The following MAP6 variants were observed in gnomAD, a reference collection of about 807,000 sequenced individuals.
MAP6 encodes the protein microtubule associated protein 6.
In MAP6, 26 loss-of-function variants were observed where a neutral mutation model predicts 42.4. The observed-to-expected ratio is 0.61, with a 90% CI of 0.45 to 0.85. The LOEUF is 0.85. Among genes scored for constraint, MAP6 ranks in the 40% least tolerant of loss-of-function variants. MAP6 has a pLI of 0.00. For missense variants in MAP6, 966 were observed against 1,099.0 expected, an observed-to-expected ratio of 0.88 and a Z score of 1.71; for synonymous variants, 418 against 443.8, an observed-to-expected ratio of 0.94 and a Z score of 0.73.
At chr11:75,614,945 G>T (rs1156862296) in intron 1 of MAP6, among the ~76,000 whole-genome samples, 2 of 152,204 alleles carry the variant, frequency 1.3e-5, no homozygotes, top group African/African-American at 4.8e-5. Flanking sequence ...ATACTCTGTT[G>T]TAAGAAACAG....
intron 3 of MAP6, among the ~76,000 whole-genome samples, chr11:75,601,235 A>C (rs1156336169): frequency 6.6e-6 from 1 of 152,022 alleles, no homozygotes; most frequent in Non-Finnish European, 1.5e-5. Flanking sequence ...AGGTGTCTTC[A>C]TATGTGTGCT....
At chr11:75,636,896 G>A (rs903931622) in intron 1 of MAP6, among the ~76,000 whole-genome samples, 8 of 152,192 alleles carry the variant, frequency 5.3e-5, no homozygotes, top group Admixed American at 3.9e-4. Flanking sequence ...GGCCCTGCAT[G>A]GCACAATATT....
intron 1 of MAP6, among the ~76,000 whole-genome samples, chr11:75,641,887 G>A (rs1027591967): frequency 2.5e-4 from 38 of 152,122 alleles, no homozygotes; most frequent in African/African-American, 9.2e-4. Context: ...GCTTCCTCTG[G>A]TCTGCAAGTC....
At position 75,608,308 on chromosome 11, in the gene MAP6, G is replaced by A; in HGVS notation, c.920C>T (p.Ala307Val). ...VSSSYRNEFR[A>V]WTDIKPVKPI... ...TTTCACAGGCTTGATGTCCGTCCATGCCCTGAATTCATTCCTGTTAGTCAA... is the reference window on the plus strand; with the variant it reads ...TTTCACAGGCTTGATGTCCGTCCATACCCTGAATTCATTCCTGTTAGTCAA... The change falls in exon 2 of 4, where the codon GCA becomes GTA. Residue 307 changes from alanine to valine, a missense_variant. Transcript: ENST00000304771. 6.2e-7 allele frequency: 1 copy of A among 1,614,052 alleles called. No individual in the cohort carries two copies.
At chr11:75,608,697 T>G (rs1365826354) in intron 1 of MAP6, among the ~76,000 whole-genome samples, 4 of 152,228 alleles carry the variant, frequency 2.6e-5, no homozygotes, top group Non-Finnish European at 4.4e-5. Context: ...GCCTGCTATG[T>G]GCAAAGTTGA....
intron 1 of MAP6, among the ~76,000 whole-genome samples, chr11:75,631,512 C>A (rs1242339503): frequency 1.3e-5 from 2 of 152,130 alleles, no homozygotes; most frequent in Non-Finnish European, 2.9e-5. Context: ...ACAGGGCCAG[C>A]AGGAGACGGT....
At chr11:75,647,903 G>A (rs542655468) in intron 1 of MAP6, among the ~76,000 whole-genome samples, 9 of 152,144 alleles carry the variant, frequency 5.9e-5, no homozygotes, top group East Asian at 3.9e-4. Context: ...AAATCAAAGC[G>A]TATTACAAAG....
At position 75,593,786 on chromosome 11, in the gene MAP6, C is replaced by T. The variant is rs140049893; in HGVS notation, c.1317-5602G>A. Reference sequence around the variant, plus strand: ...ACTATGGGCCAGGCTTGGTGCCAGACGTTTTAAGATCTATTATTTCTCATG... The same window carrying T: ...ACTATGGGCCAGGCTTGGTGCCAGATGTTTTAAGATCTATTATTTCTCATG... On this transcript the variant is annotated intron_variant, in intron 3 of 3. Coordinates refer to ENST00000304771, the MANE Select transcript of MAP6 (RefSeq NM_033063.2). 1.7e-3 allele frequency among the ~76,000 whole-genome samples: 254 copies of T among 152,278 alleles called. 4 individuals carry two copies. The highest frequency in any genetic ancestry group is 0.01 in the Admixed American group (154 of 15,300).
At chr11:75,606,393 T>C (rs779746952) in intron 2 of MAP6, among the ~76,000 whole-genome samples, 24 of 152,200 alleles carry the variant, frequency 1.6e-4, no homozygotes, top group Non-Finnish European at 3.2e-4. Flanking sequence ...GAGCAGTGAC[T>C]TGGGTCACCT....
intron 3 of MAP6, chr11:75,604,494 A>AT (rs1407552111): frequency 2.0e-6 from 2 of 985,056 alleles, no homozygotes; most frequent in African/African-American, 3.5e-5. Flanking sequence ...GGACAAGAGG[A>AT]TTTTAAGGAC....
Position 75,606,259 on chromosome 11 carries a change from C to T in MAP6, c.1120-255G>A, listed in dbSNP as rs201887494. On this transcript the variant is annotated intron_variant, in intron 2 of 3. Coordinates refer to ENST00000304771, the MANE Select transcript of MAP6 (RefSeq NM_033063.2). ...TGTCCTGCCAGCCTTCCACCGACCA[C>T]CCCAGGCAGTGGGCCATACCACTGT... 3.3e-5 allele frequency among the ~76,000 whole-genome samples: 5 copies of T among 152,278 alleles called. No individual in the cohort carries two copies. In the East Asian group the frequency reaches 7.7e-4, roughly 24 times the overall value.
intron 1 of MAP6, among the ~76,000 whole-genome samples, chr11:75,639,793 G>C (rs1400024851): frequency 1.3e-5 from 2 of 152,158 alleles, no homozygotes; most frequent in Non-Finnish European, 2.9e-5. Flanking sequence ...GAGAGAGACA[G>C]ACACACACAC....
At chr11:75,643,218 TTATA>T (rs139222688) in intron 1 of MAP6, among the ~76,000 whole-genome samples, 1 of 149,208 alleles carries the variant, frequency 6.7e-6, no homozygotes, top group Non-Finnish European at 1.5e-5. Context: ...TGTATGTGTT[TTATA>T]TATATATATA....
intron 3 of MAP6, among the ~76,000 whole-genome samples, chr11:75,592,506 A>G (rs746788910): frequency 6.6e-6 from 1 of 152,080 alleles, no homozygotes; most frequent in Non-Finnish European, 1.5e-5. Context: ...CACCCCATCC[A>G]TCAGGTCCCA....
rs1565250570 is a variant in MAP6, at chr11:75,588,034, G to GACC, written c.1464_1466dup (p.Val489dup). 6.2e-7 allele frequency: 1 copy of GACC among 1,614,030 alleles called. No homozygotes were observed. The highest frequency in any genetic ancestry group is 8.5e-7 in the Non-Finnish European group (1 of 1,180,020). ...GACCTAGATCCTTTGGAGGCCCTGGGACCACAGAACCTTGCTTCTTCAGAG... is the reference window on the plus strand; with the variant it reads ...GACCTAGATCCTTTGGAGGCCCTGGGACCACCACAGAACCTTGCTTCTTCAGAG... On this transcript the variant is annotated inframe_insertion, in exon 4 of 4. Transcript: ENST00000304771.
chr11:75,606,611 G>A lies in MAP6; in HGVS notation c.1120-607C>T, dbSNP rs149372976. 1.6e-4 allele frequency among the ~76,000 whole-genome samples: 25 copies of A among 152,230 alleles called. 1 individual carries two copies. Among genetic ancestry groups the A allele is most frequent in the South Asian group, 8.3e-4 (4 of 4,812 alleles). ...GGGGCGGTGGGTCGCTGCAGCACCCGCTGGCTTCCCCTGTTCTGTCTCTAG... is the reference window on the plus strand; with the variant it reads ...GGGGCGGTGGGTCGCTGCAGCACCCACTGGCTTCCCCTGTTCTGTCTCTAG... On this transcript the variant is annotated intron_variant, in intron 2 of 3. Transcript: ENST00000304771.
intron 1 of MAP6, among the ~76,000 whole-genome samples, chr11:75,611,249 T>C (rs1348579693): frequency 1.3e-5 from 2 of 152,256 alleles, no homozygotes; most frequent in Non-Finnish European, 2.9e-5. Flanking sequence ...AGACACATGA[T>C]GGCAGAAACT....
intron 1 of MAP6, among the ~76,000 whole-genome samples, chr11:75,665,959 T>C (rs1943939264): frequency 6.6e-6 from 1 of 152,052 alleles, no homozygotes; most frequent in Admixed American, 6.6e-5. Context: ...TCTCTTAACA[T>C]GAAGGATGTC....
chr11:75,660,119 T>C (rs1185944266), intron 1 of MAP6, among the ~76,000 whole-genome samples: 1 of 152,196 alleles, frequency 6.6e-6, no homozygotes, highest in Admixed American at 6.5e-5. Flanking sequence ...CCTCCTCACA[T>C]CACTCCTCCT....
Sources: gnomAD v4.1 joint callset for allele counts (sites outside exome capture counted in the v4.1 genomes callset) on GRCh38, gnomAD v4.1.1 for gene constraint, MANE v1.5 for transcripts, NCBI Gene and HGNC (gene_info 2026-07-23, HGNC 2026-07-21) for gene names.